Variants in DLGAP2 observed in about 807,000 individuals in gnomAD.
The protein encoded by DLGAP2 is DLG associated protein 2.
DLGAP2 carries 26 observed loss-of-function variants against 100.3 expected under a neutral mutation model. That is an observed-to-expected ratio of 0.26 (90% CI 0.19 to 0.36). The LOEUF is 0.36. Among genes scored for constraint, DLGAP2 ranks in the 10% least tolerant of loss-of-function variants. The pLI is 1.00. For missense variants in DLGAP2, 1,858 were observed against 1,453.2 expected, an observed-to-expected ratio of 1.28 and a Z score of -4.53; for synonymous variants, 886 against 630.1, an observed-to-expected ratio of 1.41 and a Z score of -6.08.
At position 805,761 on chromosome 8, in the gene DLGAP2, G is replaced by A. The variant is rs569191807; in HGVS notation, c.18+67936G>A. Among the ~76,000 whole-genome samples the A allele has an allele frequency of 1.1e-3, 163 of 152,282 alleles. 1 individual carries two copies. Among genetic ancestry groups the A allele is most frequent in the African/African-American group, 3.7e-3 (152 of 41,576 alleles). The stretch of plus-strand genomic sequence containing the variant: ...GACTACTCCTGAGCCCAAGCAGTCC[G>A]CCGGCCTTGGCCTCGGCCTCCCAAA... On this transcript the variant is annotated intron_variant, in intron 1 of 14. Transcript: ENST00000637795.
intron 3 of DLGAP2, among the ~76,000 whole-genome samples, chr8:1,358,570 A>G (rs759420980): frequency 6.6e-6 from 1 of 152,190 alleles, no homozygotes; most frequent in African/African-American, 2.4e-5. Flanking sequence ...AATCTATTCA[A>G]TAAAACTTAG....
chr8:1,629,325 C>T (rs1321586505), intron 7 of DLGAP2, among the ~76,000 whole-genome samples: 2 of 152,170 alleles, frequency 1.3e-5, no homozygotes, highest in African/African-American at 4.8e-5. Context: ...TCAGGAATTG[C>T]ATTGACTCTT....
chr8:1,475,682 A>G (rs1330426927), intron 3 of DLGAP2, among the ~76,000 whole-genome samples: 7 of 152,230 alleles, frequency 4.6e-5, no homozygotes, highest in Non-Finnish European at 7.3e-5. Flanking sequence ...AGAGGAAGAC[A>G]GAACCCTCGC....
intron 3 of DLGAP2, among the ~76,000 whole-genome samples, chr8:1,309,554 C>A (rs1218838753): frequency 6.6e-6 from 1 of 152,164 alleles, no homozygotes; most frequent in Admixed American, 6.5e-5. Flanking sequence ...ATAAACGGAA[C>A]TTGAGACTTG....
chr8:1,344,974 C>T (rs527582218), intron 3 of DLGAP2, among the ~76,000 whole-genome samples: 9 of 152,294 alleles, frequency 5.9e-5, no homozygotes, highest in South Asian at 2.1e-4. Flanking sequence ...AGGGCTAGAC[C>T]GCCAGTTAAT....
chr8:1,199,790 C>G (rs765613235), intron 2 of DLGAP2, among the ~76,000 whole-genome samples: 1 of 152,014 alleles, frequency 6.6e-6, no homozygotes, highest in Non-Finnish European at 1.5e-5. Context: ...TATGGAAACA[C>G]TTAAACGATG....
intron 3 of DLGAP2, among the ~76,000 whole-genome samples, chr8:1,313,916 G>A (rs1021291246): frequency 3.3e-5 from 5 of 151,892 alleles, no homozygotes; most frequent in African/African-American, 9.7e-5. Context: ...ACCACCGCAC[G>A]GTAGCTTTCC....
intron 2 of DLGAP2, among the ~76,000 whole-genome samples, chr8:1,022,027 A>C (rs1801637819): frequency 6.6e-6 from 1 of 152,176 alleles, no homozygotes; most frequent in Admixed American, 6.5e-5. Flanking sequence ...CTGGCCTTGC[A>C]AAGGGGTGAG....
At chr8:1,682,130 C>T (rs547496549) in intron 12 of DLGAP2, among the ~76,000 whole-genome samples, 2 of 152,334 alleles carry the variant, frequency 1.3e-5, no homozygotes, top group Admixed American at 6.5e-5. Flanking sequence ...GGGTGTGTCC[C>T]ATCCCTGACC....
chr8:1,359,200 C>T (rs969514744), intron 3 of DLGAP2, among the ~76,000 whole-genome samples: 3 of 152,176 alleles, frequency 2.0e-5, no homozygotes, highest in Admixed American at 6.5e-5. Flanking sequence ...GGAGGACAGA[C>T]ACCTCCTGGT....
chr8:1,106,089 G>A (rs1804756415), intron 2 of DLGAP2, among the ~76,000 whole-genome samples: 1 of 149,032 alleles, frequency 6.7e-6, no homozygotes, highest in Non-Finnish European at 1.5e-5. Context: ...CATTCTAGGA[G>A]GGTTTTGTAT....
chr8:1,323,385 G>A (rs1279729179), intron 3 of DLGAP2, among the ~76,000 whole-genome samples: 1 of 152,186 alleles, frequency 6.6e-6, no homozygotes, highest in East Asian at 1.9e-4. Context: ...TCCTCCGGGA[G>A]GAAAGGTGGT....
chr8:1,244,943 G>C (rs1227846522), intron 2 of DLGAP2, among the ~76,000 whole-genome samples: 1 of 152,208 alleles, frequency 6.6e-6, no homozygotes, highest in East Asian at 1.9e-4. Flanking sequence ...CCGAGAAAGG[G>C]ATGGGCAGAG....
chr8:1,381,712 T>C (rs1796098215), intron 3 of DLGAP2, among the ~76,000 whole-genome samples: 1 of 152,218 alleles, frequency 6.6e-6, no homozygotes, highest in East Asian at 1.9e-4. Flanking sequence ...CTCAGCATCA[T>C]GTCCTCCAGC....
chr8:1,332,121 G>A lies in DLGAP2; in HGVS notation c.106+73238G>A, dbSNP rs574163120. Reference sequence around the variant, plus strand: ...CCAACAGCCACCTTCCTTTGCTGCAGTCAATGTGTCCTGGTGTAGAAATGG... The same window carrying A: ...CCAACAGCCACCTTCCTTTGCTGCAATCAATGTGTCCTGGTGTAGAAATGG... On this transcript the variant is annotated intron_variant, in intron 3 of 14. Coordinates refer to ENST00000637795, the MANE Select transcript of DLGAP2 (RefSeq NM_001346810.2). 8.5e-5 allele frequency among the ~76,000 whole-genome samples: 13 copies of A among 152,336 alleles called. No individual in the cohort carries two copies. The South Asian group carries it at 2.7e-3, about 32-fold the overall frequency.
rs530642743 is a variant in DLGAP2, at chr8:1,423,440, C to T, written c.107-77926C>T. Among the ~76,000 whole-genome samples the T allele has an allele frequency of 9.2e-5, 14 of 152,310 alleles. No individual in the cohort carries two copies. In the South Asian group the frequency reaches 1.7e-3, roughly 18 times the overall value. ...ATCCCATAGCCCACTTTGTGCTCCG[C>T]GAGGTCTGATGACCACTGCCCTGCC... On this transcript the variant is annotated intron_variant, in intron 3 of 14. Coordinates refer to ENST00000637795, the MANE Select transcript of DLGAP2 (RefSeq NM_001346810.2).
Position 1,047,691 on chromosome 8 carries a change from A to G in DLGAP2, c.73+139725A>G, listed in dbSNP as rs1358384564. Among the ~76,000 whole-genome samples, 3 of 152,028 alleles carry G rather than the reference A, an allele frequency of 2.0e-5. No individual in the cohort carries two copies. In the East Asian group the frequency reaches 5.8e-4, roughly 30 times the overall value. On this transcript the variant is annotated intron_variant, in intron 2 of 14. Coordinates refer to ENST00000637795, the MANE Select transcript of DLGAP2 (RefSeq NM_001346810.2). ...CACTGTGTCCCACTGTGTCCCACAG[A>G]AGGCCAAGGCGGGTCTCTGTGGCCT...
intron 2 of DLGAP2, among the ~76,000 whole-genome samples, chr8:1,101,783 GGTCCTCGTC>G: frequency 1.7e-4 from 5 of 30,256 alleles, no homozygotes; most frequent in African/African-American, 8.5e-4. Flanking sequence ...ACGATGGGAA[GGTCCTCGTC>G]ACCCCTGAGC....
intron 1 of DLGAP2, among the ~76,000 whole-genome samples, chr8:762,572 G>A (rs1821113421): frequency 6.6e-6 from 1 of 152,116 alleles, no homozygotes; most frequent in Non-Finnish European, 1.5e-5. Context: ...GCTTTGCAGA[G>A]CTCTTCTGCT....
Sources: allele counts gnomAD v4.1 joint callset (sites outside exome capture counted in the v4.1 genomes callset), GRCh38; gene constraint gnomAD v4.1.1; transcripts MANE v1.5; gene names NCBI Gene and HGNC (gene_info 2026-07-23, HGNC 2026-07-21).